BCL11B: variants seen among roughly 807,000 people sequenced by gnomAD.
BCL11B encodes B-cell lymphoma/leukemia 11B.
Under a neutral mutation model 49.9 loss-of-function variants are expected in BCL11B, and 8 were observed. The observed-to-expected ratio is 0.16, with a 90% confidence interval of 0.09 to 0.29. BCL11B has a LOEUF of 0.29. BCL11B is among the 10% of genes least tolerant of loss of function. BCL11B has a pLI of 1.00. For missense variants in BCL11B, 1,006 were observed against 1,351.0 expected (o/e 0.74, Z 4.00); for synonymous variants, 739 against 637.4 (o/e 1.16, Z -2.40).
chr14:99,188,579 G>T (rs1417351600), intron 3 of BCL11B, among the ~76,000 whole-genome samples: 1 of 151,854 alleles, frequency 6.6e-6, no homozygotes, highest in East Asian at 1.9e-4. Flanking sequence ...TGGGGCTGGG[G>T]CTGGGGCTAG....
Position 99,177,000 on chromosome 14 carries a change from T to G in BCL11B, c.641-805A>C, listed in dbSNP as rs1244946917. Among the ~76,000 whole-genome samples, 3 of 152,136 alleles carry G rather than the reference T, an allele frequency of 2.0e-5. No individual in the cohort carries two copies. In the East Asian group the frequency reaches 5.8e-4, roughly 29 times the overall value. The stretch of plus-strand genomic sequence containing the variant: ...AGCTATAGGAAATTCTCGTGTTTCC[T>G]ACACCACCGTCTGTGCAGAAAGCAC... On this transcript the variant is annotated intron_variant, in intron 3 of 3. Transcript: ENST00000357195.
chr14:99,251,018 C>T (rs1349001305), intron 2 of BCL11B, among the ~76,000 whole-genome samples: 4 of 152,138 alleles, frequency 2.6e-5, no homozygotes, highest in South Asian at 2.1e-4. Context: ...GTGGGTCCAC[C>T]GCCTCCCTGG....
chr14:99,204,533 G>T (rs185853641), intron 3 of BCL11B, among the ~76,000 whole-genome samples: 1 of 152,060 alleles, frequency 6.6e-6, no homozygotes. Flanking sequence ...CAGGGAGGTG[G>T]GTGGGGGACT....
chr14:99,173,350 G>C lies in BCL11B; in HGVS notation c.*801C>G, dbSNP rs1362615346. On this transcript the variant is annotated 3_prime_UTR_variant, in exon 4 of 4. Coordinates refer to ENST00000357195, the MANE Select transcript of BCL11B (RefSeq NM_138576.4). ...CTCCAAAAACCCTATCTCTGGCGGC[G>C]CTGAGTCTGTGGGGTGCCTCCCCCA... 9.1e-6 allele frequency: 2 copies of C among 220,654 alleles called. No individual in the cohort carries two copies. Among genetic ancestry groups the C allele is most frequent in the East Asian group, 6.5e-5 (1 of 15,272 alleles). 13.7% of individuals were successfully genotyped at this position (220,654 alleles called of 1,614,324 possible).
intron 1 of BCL11B, among the ~76,000 whole-genome samples, chr14:99,270,404 C>T (rs948848732): frequency 1.3e-5 from 2 of 151,194 alleles, no homozygotes; most frequent in African/African-American, 4.9e-5. Flanking sequence ...TTTTCACCAA[C>T]CCCAATCCCC....
At chr14:99,211,032 A>G (rs1427843158) in intron 3 of BCL11B, among the ~76,000 whole-genome samples, 1 of 152,138 alleles carries the variant, frequency 6.6e-6, no homozygotes, top group African/African-American at 2.4e-5. Context: ...TAATAATAAG[A>G]TCAATAACAG....
At chr14:99,233,996 A>G (rs1888414646) in intron 2 of BCL11B, among the ~76,000 whole-genome samples, 1 of 152,316 alleles carries the variant, frequency 6.6e-6, no homozygotes, top group Admixed American at 6.5e-5. Context: ...GCTCAAACCC[A>G]GAGCCCTTCC....
chr14:99,266,745 C>T (rs764026307), intron 1 of BCL11B, among the ~76,000 whole-genome samples: 2 of 152,366 alleles, frequency 1.3e-5, no homozygotes, highest in Non-Finnish European at 2.9e-5. Flanking sequence ...CCCTAGCTGC[C>T]AAGTGGCGCT....
At chr14:99,236,008 A>G (rs1438712037) in intron 2 of BCL11B, among the ~76,000 whole-genome samples, 13 of 152,138 alleles carry the variant, frequency 8.5e-5, no homozygotes, top group Admixed American at 8.5e-4. Flanking sequence ...ATGAACTAGA[A>G]TCCAGTCTGA....
In BCL11B at chr14:99,175,154, T is replaced by C; in HGVS notation, c.1682A>G (p.Glu561Gly). 1 of 1,593,948 alleles carries C rather than the reference T, an allele frequency of 6.3e-7. No individual in the cohort carries two copies. The highest frequency in any genetic ancestry group is 1.1e-5 in the South Asian group (1 of 89,930). The change falls in exon 4 of 4, where the codon GAG becomes GGG. Residue 561 changes from glutamate (E) to glycine (G), a missense_variant. Physicochemically the swap from Glu to Gly is moderately conservative, Grantham distance 98. Coordinates refer to ENST00000357195, the MANE Select transcript of BCL11B (RefSeq NM_138576.4). ...RPESSFSMDSELSRNRENGGG... is the reference protein window; with the variant it reads ...RPESSFSMDSGLSRNRENGGG... ...GCCGTTCTCGCGGTTGCGGCTCAGC[T>C]CCGAGTCCATGCTGAAGCTCGACTC...
chr14:99,245,544 C>A lies in BCL11B; in HGVS notation c.427+11927G>T, dbSNP rs186751471. Reference sequence around the variant, plus strand: ...CCCGGCCTCACCTGGATCCCGGGAACCGCCCGCTCTGTCCCGCCAAGGTGG... The same window carrying A: ...CCCGGCCTCACCTGGATCCCGGGAAACGCCCGCTCTGTCCCGCCAAGGTGG... On this transcript the variant is annotated intron_variant, in intron 2 of 3. Coordinates refer to ENST00000357195, the MANE Select transcript of BCL11B (RefSeq NM_138576.4). Among the ~76,000 whole-genome samples, 272 of 152,344 alleles carry A rather than the reference C, an allele frequency of 1.8e-3. 1 individual carries two copies. Among genetic ancestry groups the A allele is most frequent in the African/African-American group, 6.0e-3 (249 of 41,580 alleles).
chr14:99,269,658 A>ATATT (rs562739993), intron 1 of BCL11B, among the ~76,000 whole-genome samples: 6,113 of 151,316 alleles, frequency 0.04, 161 homozygotes, highest in Non-Finnish European at 0.064. Flanking sequence ...ACCACTTTAT[A>ATATT]TATTTATTTA....
intron 2 of BCL11B, among the ~76,000 whole-genome samples, chr14:99,256,556 C>A (rs972517656): frequency 3.3e-5 from 5 of 152,320 alleles, no homozygotes; most frequent in East Asian, 1.9e-4. Context: ...CCTTTCTCCC[C>A]CAGGCCTCCT....
chr14:99,175,616 G>A lies in BCL11B; in HGVS notation c.1220C>T (p.Pro407Leu). Residue 407 changes from proline (P) to leucine (L), a missense_variant, in exon 4 of 4, where the codon CCG (proline) becomes CTG (leucine). Transcript: ENST00000357195. ...GCCAGGGGGCATGGGCGGCAGCGGC[G>A]GCGTGCTCAGGAACGGGGACTTGGG... ...PSPKSPFLST[P>L]PLPPMPPGGT... The A allele has an allele frequency of 6.4e-7, 1 of 1,562,674 alleles. No individual in the cohort carries two copies. Among genetic ancestry groups the A allele is most frequent in the Non-Finnish European group, 8.6e-7 (1 of 1,161,810 alleles).
At chr14:99,178,235 C>T (rs765874419) in intron 3 of BCL11B, among the ~76,000 whole-genome samples, 29 of 152,182 alleles carry the variant, frequency 1.9e-4, no homozygotes, top group African/African-American at 5.1e-4. Flanking sequence ...GATGAGAAGA[C>T]GGTGGTAGGG....
In BCL11B at chr14:99,213,080, C is replaced by T. The variant is rs1482283619; in HGVS notation, c.640+18265G>A. Among the ~76,000 whole-genome samples, 2 of 152,168 alleles carry T rather than the reference C, an allele frequency of 1.3e-5. No individual in the cohort carries two copies. The highest frequency in any genetic ancestry group is 2.9e-5 in the Non-Finnish European group (2 of 68,026). On this transcript the variant is annotated intron_variant, in intron 3 of 3. Coordinates refer to ENST00000357195, the MANE Select transcript of BCL11B (RefSeq NM_138576.4). This position sits in a 1 kb window ranked among gnomAD's most constrained non-coding sequence, Gnocchi z 5.1. ...GGAGAGGGGACCCTAGACCCTGTGC[C>T]AGTGCAGAGTGGGGGACCTACTGCC...
chr14:99,174,969 A>G lies in BCL11B; in HGVS notation c.1867T>C (p.Phe623Leu). The change falls in exon 4 of 4, where the codon TTC (phenylalanine) becomes CTC (leucine). Residue 623 changes from phenylalanine (F) to leucine (L), a missense_variant. This residue lies in a region of BCL11B where 443 missense variants were observed against 499.7 expected (regional missense o/e 0.89). Transcript: ENST00000357195. ...LLADKQKRGA[F>L]LKRAAGGGDA... is the part of the protein sequence containing the mutation. ...CCGCCGCCCGCCGCACGCTTCAGGA[A>G]GGCGCCGCGCTTCTGCTTGTCGGCC... The G allele has an allele frequency of 1.3e-6, 2 of 1,549,754 alleles. No individual in the cohort carries two copies. Among genetic ancestry groups the G allele is most frequent in the Non-Finnish European group, 1.7e-6 (2 of 1,156,584 alleles).
chr14:99,169,909 A>C lies in BCL11B; in HGVS notation c.*4242T>G, dbSNP rs1343863369. The C allele has an allele frequency of 4.4e-6, 1 of 229,714 alleles. No individual in the cohort carries two copies. Among genetic ancestry groups the C allele is most frequent in the Non-Finnish European group, 8.6e-6 (1 of 115,626 alleles). The allele number at this position is 229,714 out of a possible 1,614,324, so 14.2% of individuals were successfully genotyped here. On this transcript the variant is annotated 3_prime_UTR_variant, in exon 4 of 4. Coordinates refer to ENST00000357195, the MANE Select transcript of BCL11B (RefSeq NM_138576.4). ...TTCCAATTGGGGGCAACTTTGAACA[A>C]AGTTGTGGCAGTGCGGAAACCGGCC...
chr14:99,203,829 G>T (rs1816612724), intron 3 of BCL11B, among the ~76,000 whole-genome samples: 1 of 152,134 alleles, frequency 6.6e-6, no homozygotes. Context: ...AGAGGGCTGG[G>T]GGCCGGGGGA....
Sources: allele counts gnomAD v4.1 joint callset (sites outside exome capture counted in the v4.1 genomes callset), GRCh38; gene constraint gnomAD v4.1.1; regional missense constraint gnomAD v4.1.1; non-coding constraint Gnocchi (gnomAD v3.1); transcripts MANE v1.5; gene names NCBI Gene and HGNC (gene_info 2026-07-23, HGNC 2026-07-21).